Variants in NDUFA10 observed in about 807,000 individuals in gnomAD.
The protein encoded by NDUFA10 is NADH:ubiquinone oxidoreductase subunit A10.
A neutral mutation model predicts 47.8 loss-of-function variants in NDUFA10; 40 were observed. That is an observed-to-expected ratio of 0.84 (90% CI 0.65 to 1.09). NDUFA10 has a LOEUF of 1.09. NDUFA10 is among the 50% of genes least tolerant of loss of function. The pLI, the probability that NDUFA10 is intolerant of heterozygous loss-of-function variation, is 0.00. For missense variants in NDUFA10, 413 were observed against 451.1 expected (o/e 0.92, Z 0.76); for synonymous variants, 183 against 172.2 (o/e 1.06, Z -0.49).
intron 9 of NDUFA10, among the ~76,000 whole-genome samples, chr2:239,979,845 G>A (rs1172815806): frequency 6.6e-6 from 1 of 152,092 alleles, no homozygotes; most frequent in Non-Finnish European, 1.5e-5. Flanking sequence ...GGCTGACCTT[G>A]GCCTGCTGCC....
chr2:240,014,244 A>G, intron 5 of NDUFA10: 1 of 195,552 alleles, frequency 5.1e-6, no homozygotes, highest in South Asian at 9.4e-5. Flanking sequence ...AACTACAAAG[A>G]GTAAATGGAT....
intron 8 of NDUFA10, among the ~76,000 whole-genome samples, chr2:240,001,650 C>A (rs2106464096): frequency 6.6e-6 from 1 of 152,344 alleles, no homozygotes; most frequent in East Asian, 1.9e-4. Context: ...CAGAAATATA[C>A]TTTTATTTTC....
chr2:239,927,402 G>A (rs756921342), intron 4 of NDUFA10, among the ~76,000 whole-genome samples: 3 of 152,084 alleles, frequency 2.0e-5, no homozygotes, highest in African/African-American at 4.8e-5. Context: ...AACTTTTAAC[G>A]ATAAATTGAG....
intron 4 of NDUFA10, among the ~76,000 whole-genome samples, chr2:239,915,386 TACAC>T (rs1327458641): frequency 1.1e-4 from 9 of 84,714 alleles, no homozygotes; most frequent in East Asian, 3.0e-4. Flanking sequence ...GAGACAGAGA[TACAC>T]ATACATACAC....
intron 8 of NDUFA10, among the ~76,000 whole-genome samples, chr2:240,001,162 T>C (rs751212785): frequency 6.6e-6 from 1 of 152,204 alleles, no homozygotes; most frequent in African/African-American, 2.4e-5. Context: ...CGGTTGTCTT[T>C]AGGAGGTGGG....
At chr2:239,952,280 G>T (rs910986099) in intron 4 of NDUFA10, among the ~76,000 whole-genome samples, 2 of 150,490 alleles carry the variant, frequency 1.3e-5, no homozygotes. Flanking sequence ...AAGCACAAAG[G>T]GCTCTGAAGG....
chr2:239,994,285 T>C (rs1216717693), intron 8 of NDUFA10, among the ~76,000 whole-genome samples: 2 of 152,128 alleles, frequency 1.3e-5, no homozygotes, highest in South Asian at 2.1e-4. Flanking sequence ...TCTGTATTTA[T>C]AGCCGATTCC....
At position 239,982,436 on chromosome 2, in the gene NDUFA10, T is replaced by C. The variant is rs183097370; in HGVS notation, c.999+7638A>G. ...AGCAATTCAAACATCACAATAATTC[T>C]TGCTAAACCTCAGAACCTCTAACTG... On this transcript the variant is annotated intron_variant, in intron 9 of 9. Transcript: ENST00000252711. 1.5e-4 allele frequency among the ~76,000 whole-genome samples: 23 copies of C among 152,370 alleles called. 1 individual carries two copies. In the East Asian group the frequency reaches 3.9e-3, roughly 26 times the overall value.
At chr2:239,940,951 GCA>G (rs1694350719) in intron 4 of NDUFA10, among the ~76,000 whole-genome samples, 6 of 152,346 alleles carry the variant, frequency 3.9e-5, no homozygotes, top group Middle Eastern at 6.8e-3. Flanking sequence ...TCTAGGCAAT[GCA>G]CAGTTTTCTG....
intron 4 of NDUFA10, among the ~76,000 whole-genome samples, chr2:239,929,502 G>T (rs985904859): frequency 1.3e-5 from 2 of 152,174 alleles, no homozygotes; most frequent in African/African-American, 4.8e-5. Flanking sequence ...TTTAATCAGT[G>T]GTGATTTTCC....
intron 9 of NDUFA10, among the ~76,000 whole-genome samples, chr2:239,985,305 A>G (rs565178791): frequency 5.2e-4 from 79 of 152,354 alleles, no homozygotes; most frequent in Middle Eastern, 6.8e-3. Context: ...TATCAGCAGT[A>G]AACTTGAAAT....
rs1694773521 is a variant in NDUFA10, at chr2:239,959,783, A to G, written c.*1335T>C. The G allele has an allele frequency of 1.3e-6, 1 of 789,154 alleles. No individual in the cohort carries two copies. The highest frequency in any genetic ancestry group is 6.3e-5 in the Admixed American group (1 of 15,956). 48.9% of individuals were successfully genotyped at this position (789,154 alleles called of 1,614,324 possible). ...AGGCAGGGAGGAAGGGAAGGGAGGAAAACAAGGACAGATGGAAGGAAGAAA... is the reference window on the plus strand; with the variant it reads ...AGGCAGGGAGGAAGGGAAGGGAGGAGAACAAGGACAGATGGAAGGAAGAAA... On this transcript the variant is annotated 3_prime_UTR_variant, in exon 10 of 10. Coordinates refer to ENST00000252711, the MANE Select transcript of NDUFA10 (RefSeq NM_004544.4).
intron 8 of NDUFA10, among the ~76,000 whole-genome samples, chr2:239,994,961 G>A (rs892329245): frequency 6.6e-6 from 1 of 152,102 alleles, no homozygotes; most frequent in African/African-American, 2.4e-5. Context: ...ACAATGAATT[G>A]AGTGATTTTA....
intron 3 of NDUFA10, 106 bp downstream of exon 3, chr2:240,021,091 T>A: frequency 1.1e-6 from 1 of 924,594 alleles, no homozygotes; most frequent in South Asian, 1.4e-5. Flanking sequence ...ACTCACCTCA[T>A]CAAACACCCT....
At chr2:239,943,941 G>A (rs936278282) in intron 4 of NDUFA10, among the ~76,000 whole-genome samples, 3 of 152,134 alleles carry the variant, frequency 2.0e-5, no homozygotes, top group Non-Finnish European at 4.4e-5. Context: ...TTTATGGGGG[G>A]AAGCTGAGGC....
intron 9 of NDUFA10, among the ~76,000 whole-genome samples, chr2:239,964,497 A>G (rs539911339): frequency 1.6e-4 from 24 of 152,298 alleles, no homozygotes; most frequent in African/African-American, 5.5e-4. Flanking sequence ...GGTAGCTGGC[A>G]GCAGCAGCAG....
chr2:239,925,670 C>T (rs1283726750), intron 4 of NDUFA10, among the ~76,000 whole-genome samples: 1 of 152,132 alleles, frequency 6.6e-6, no homozygotes, highest in East Asian at 1.9e-4. Context: ...AAAAAATATA[C>T]ATAAAATTGG....
chr2:240,023,555 A>G (rs562462527), intron 1 of NDUFA10, among the ~76,000 whole-genome samples: 80 of 152,354 alleles, frequency 5.3e-4, no homozygotes, highest in Admixed American at 2.2e-3. Flanking sequence ...AGGATGCTCA[A>G]TGAAGTATGA....
chr2:239,961,274 C>G lies in NDUFA10; in HGVS notation c.1000-88G>C, dbSNP rs4077387. 238,738 of 1,599,440 alleles carry G rather than the reference C, an allele frequency of 0.15. 18,852 individuals are homozygous for G. The highest frequency in any genetic ancestry group is 0.16 in the South Asian group (14,410 of 89,326). On this transcript the variant is annotated intron_variant, in intron 9 of 9. Transcript: ENST00000252711. ...AGTTCAATGTCTACCCGGCAGATGCCTGTACTTCATGAGTTCCTTCAGCAA... is the reference window on the plus strand; with the variant it reads ...AGTTCAATGTCTACCCGGCAGATGCGTGTACTTCATGAGTTCCTTCAGCAA...
Sources: gnomAD v4.1 joint callset for allele counts (sites outside exome capture counted in the v4.1 genomes callset) on GRCh38, gnomAD v4.1.1 for gene constraint, MANE v1.5 for transcripts, NCBI Gene and HGNC (gene_info 2026-07-23, HGNC 2026-07-21) for gene names.